RGS7: variants seen among roughly 807,000 people sequenced by gnomAD.
RGS7 encodes regulator of G-protein signaling 7.
RGS7 carries 27 observed loss-of-function variants against 81.1 expected under a neutral mutation model. The ratio of observed to expected loss-of-function variants is 0.33; its 90% CI spans 0.25 to 0.46. RGS7 has a LOEUF of 0.46. RGS7 is among the 20% of genes least tolerant of loss of function. The pLI is 1.00. For synonymous variants in RGS7, 208 were observed against 207.7 expected (o/e 1.00, Z -0.01); for missense variants, 396 against 607.4 (o/e 0.65, Z 3.66).
intron 2 of RGS7, among the ~76,000 whole-genome samples, chr1:241,151,045 A>G (rs916325920): frequency 1.3e-5 from 2 of 152,086 alleles, no homozygotes; most frequent in African/African-American, 4.8e-5. Context: ...TTCTTTTTCT[A>G]TCTGGGCCCC....
At chr1:240,813,084 C>G (rs2103103983) in intron 13 of RGS7, among the ~76,000 whole-genome samples, 1 of 152,282 alleles carries the variant, frequency 6.6e-6, no homozygotes, top group Non-Finnish European at 1.5e-5. Flanking sequence ...TCTGTTAAGA[C>G]TGATGATGTA....
intron 2 of RGS7, among the ~76,000 whole-genome samples, chr1:241,230,244 T>C (rs2148054481): frequency 6.6e-6 from 1 of 152,296 alleles, no homozygotes; most frequent in East Asian, 1.9e-4. Flanking sequence ...GACAGAGTCT[T>C]ACTCCATAGC....
At chr1:241,065,660 T>C (rs548749503) in intron 3 of RGS7, among the ~76,000 whole-genome samples, 1 of 152,356 alleles carries the variant, frequency 6.6e-6, no homozygotes, top group East Asian at 1.9e-4. Context: ...CTCTCTATAT[T>C]ACTTATGGTT....
intron 4 of RGS7, among the ~76,000 whole-genome samples, chr1:240,957,787 T>C (rs1254247957): frequency 1.3e-5 from 2 of 152,206 alleles, no homozygotes; most frequent in East Asian, 3.9e-4. Context: ...TAGAAACTTT[T>C]TGTACTATTT....
chr1:241,069,240 GT>G (rs1319799653), intron 3 of RGS7, among the ~76,000 whole-genome samples: 1 of 152,204 alleles, frequency 6.6e-6, no homozygotes, highest in Non-Finnish European at 1.5e-5. Context: ...ATATAGGTGT[GT>G]TTTCAAACCA....
intron 2 of RGS7, among the ~76,000 whole-genome samples, chr1:241,327,143 AAAGGAAAG>A (rs1271680555): frequency 2.5e-5 from 2 of 80,816 alleles, no homozygotes; most frequent in Admixed American, 1.2e-4. Flanking sequence ...AGAAAGAAAG[AAAGGAAAG>A]AAAGAAAGAA....
intron 6 of RGS7, among the ~76,000 whole-genome samples, chr1:240,891,201 T>TGGGGG (rs35370399): frequency 5.9e-5 from 9 of 151,828 alleles, no homozygotes; most frequent in African/African-American, 1.4e-4. Context: ...CCAGCATCAC[T>TGGGGG]GGGGGGGTGG....
intron 4 of RGS7, among the ~76,000 whole-genome samples, chr1:240,968,237 A>G (rs1435262461): frequency 6.6e-6 from 1 of 152,218 alleles, no homozygotes; most frequent in Non-Finnish European, 1.5e-5. Context: ...CAAATGAGTA[A>G]GCCTCAGGCC....
intron 2 of RGS7, among the ~76,000 whole-genome samples, chr1:241,287,132 C>A (rs959829437): frequency 6.6e-5 from 10 of 152,086 alleles, no homozygotes; most frequent in African/African-American, 2.4e-4. Flanking sequence ...GGCAGTCTGC[C>A]CTTTAACATA....
intron 6 of RGS7, among the ~76,000 whole-genome samples, chr1:240,887,325 T>C (rs1005954685): frequency 1.3e-4 from 20 of 148,276 alleles, no homozygotes; most frequent in African/African-American, 4.8e-4. Context: ...GCCTCCTGGG[T>C]TCACGCCATT....
At chr1:241,082,324 A>C (rs1264830180) in intron 3 of RGS7, among the ~76,000 whole-genome samples, 1 of 152,250 alleles carries the variant, frequency 6.6e-6, no homozygotes, top group African/African-American at 2.4e-5. Flanking sequence ...ACTACACAGA[A>C]GCAGCACCAC....
chr1:240,875,076 T>C (rs1012839484), intron 6 of RGS7, among the ~76,000 whole-genome samples: 1 of 151,830 alleles, frequency 6.6e-6, no homozygotes, highest in Non-Finnish European at 1.5e-5. Context: ...AACAAAAAAC[T>C]ACTCTCTTGG....
intron 2 of RGS7, among the ~76,000 whole-genome samples, chr1:241,156,185 C>T (rs1371646019): frequency 3.7e-4 from 56 of 149,410 alleles, no homozygotes; most frequent in African/African-American, 1.3e-3. Context: ...TATACATAGA[C>T]AGACAGACAG....
chr1:240,813,777 G>C (rs1690303258), intron 12 of RGS7, 49 bp from the exon 13 acceptor site: 1 of 1,186,100 alleles, frequency 8.4e-7, no homozygotes, highest in Non-Finnish European at 1.3e-6. Context: ...GACTGGGGTT[G>C]CAGCCAGTCC....
At chr1:240,862,578 T>C (rs934655311) in intron 9 of RGS7, among the ~76,000 whole-genome samples, 2 of 152,128 alleles carry the variant, frequency 1.3e-5, no homozygotes, top group African/African-American at 4.8e-5. Flanking sequence ...TTGAAAGGTG[T>C]AATAGCAGAA....
At chr1:241,270,845 G>A (rs2077850692) in intron 2 of RGS7, among the ~76,000 whole-genome samples, 1 of 150,108 alleles carries the variant, frequency 6.7e-6, no homozygotes, top group Admixed American at 6.7e-5. Flanking sequence ...TGCAAGTTCC[G>A]CCTCCCGGGT....
chr1:241,347,523 CA>C (rs1349262481), intron 2 of RGS7, among the ~76,000 whole-genome samples: 6 of 152,178 alleles, frequency 3.9e-5, no homozygotes, highest in Admixed American at 3.9e-4. Flanking sequence ...GGGTTCTAAA[CA>C]CTTTAAATCC....
intron 3 of RGS7, among the ~76,000 whole-genome samples, chr1:241,071,437 C>T (rs1178629990): frequency 2.0e-5 from 3 of 149,914 alleles, no homozygotes; most frequent in Non-Finnish European, 1.5e-5. Context: ...CCTTAGAGAA[C>T]ATGTATGAGT....
At chr1:240,844,897 T>G (rs1315609075) in intron 9 of RGS7, among the ~76,000 whole-genome samples, 1 of 152,210 alleles carries the variant, frequency 6.6e-6, no homozygotes, top group Non-Finnish European at 1.5e-5. Context: ...ATGGGCTGAT[T>G]TGAACTTAAG....
Sources: allele counts gnomAD v4.1 joint callset (sites outside exome capture counted in the v4.1 genomes callset), GRCh38; gene constraint gnomAD v4.1.1; transcripts MANE v1.5; gene names NCBI Gene and HGNC (gene_info 2026-07-23, HGNC 2026-07-21).